LRRC4C: variants seen among roughly 807,000 people sequenced by gnomAD.
The protein encoded by LRRC4C is leucine-rich repeat-containing protein 4C.
LRRC4C carries 5 observed loss-of-function variants against 33.6 expected under a neutral mutation model. The observed-to-expected ratio is 0.15, with a 90% CI of 0.08 to 0.31. The LOEUF (loss-of-function observed/expected upper bound fraction) is 0.31. LRRC4C is among the 10% of genes least tolerant of loss of function. The pLI, the probability that LRRC4C is intolerant of heterozygous loss-of-function variation, is 1.00. For missense variants in LRRC4C, 560 were observed against 796.7 expected (o/e 0.70, Z 3.58); for synonymous variants, 329 against 302.0 (o/e 1.09, Z -0.93).
At chr11:41,367,173 T>C (rs1465093837) in intron 1 of LRRC4C, among the ~76,000 whole-genome samples, 2 of 152,206 alleles carry the variant, frequency 1.3e-5, no homozygotes, top group Non-Finnish European at 2.9e-5. Context: ...CATCTCTATA[T>C]AGCTCAGTAC....
intron 1 of LRRC4C, among the ~76,000 whole-genome samples, chr11:41,285,474 C>T (rs1485464877): frequency 6.6e-6 from 1 of 152,150 alleles, no homozygotes; most frequent in Non-Finnish European, 1.5e-5. Context: ...ACATTACATC[C>T]TTGCCTTTGA....
At chr11:40,533,625 T>A (rs1317650046) in intron 3 of LRRC4C, among the ~76,000 whole-genome samples, 1 of 152,184 alleles carries the variant, frequency 6.6e-6, no homozygotes, top group Non-Finnish European at 1.5e-5. Flanking sequence ...GTTGCTTTTT[T>A]TCTCCACACA....
At chr11:40,287,269 T>C (rs1943908963) in intron 4 of LRRC4C, among the ~76,000 whole-genome samples, 1 of 151,446 alleles carries the variant, frequency 6.6e-6, no homozygotes, top group African/African-American at 2.4e-5. Flanking sequence ...TGTGTGTGTG[T>C]GTGTGTGTGT....
chr11:40,988,708 C>CTTTTTTTTTTTTT (rs1311047942), intron 1 of LRRC4C, among the ~76,000 whole-genome samples: 1 of 107,062 alleles, frequency 9.3e-6, no homozygotes. Flanking sequence ...CCTTTCTTTT[C>CTTTTTTTTTTTTT]TTTTCTTTTT....
intron 3 of LRRC4C, among the ~76,000 whole-genome samples, chr11:40,454,083 C>A (rs1469274807): frequency 6.6e-6 from 1 of 151,908 alleles, no homozygotes; most frequent in East Asian, 1.9e-4. Flanking sequence ...ATCTTTAACA[C>A]TTTATTCTTT....
intron 3 of LRRC4C, among the ~76,000 whole-genome samples, chr11:40,475,991 A>G (rs1953198945): frequency 6.6e-6 from 1 of 152,104 alleles, no homozygotes; most frequent in South Asian, 2.1e-4. Context: ...GCATTTTAGG[A>G]TATTTAGCAG....
At chr11:40,460,636 T>C (rs1380313945) in intron 3 of LRRC4C, among the ~76,000 whole-genome samples, 1 of 152,198 alleles carries the variant, frequency 6.6e-6, no homozygotes, top group Non-Finnish European at 1.5e-5. Flanking sequence ...GGAAATGACA[T>C]TTAGTTCACC....
At chr11:40,965,810 C>T (rs934491750) in intron 1 of LRRC4C, among the ~76,000 whole-genome samples, 2 of 152,020 alleles carry the variant, frequency 1.3e-5, no homozygotes, top group Non-Finnish European at 2.9e-5. Flanking sequence ...CGTGATGCCT[C>T]CAACTTTGTT....
intron 2 of LRRC4C, among the ~76,000 whole-genome samples, chr11:40,676,825 T>C (rs541937410): frequency 6.6e-6 from 1 of 152,252 alleles, no homozygotes; most frequent in East Asian, 1.9e-4. Context: ...ACCAAAATAA[T>C]ACCAATCCTG....
intron 3 of LRRC4C, among the ~76,000 whole-genome samples, chr11:40,335,817 G>A (rs1259883430): frequency 6.6e-6 from 1 of 152,194 alleles, no homozygotes. Context: ...AGGTAAGTAA[G>A]TAACGCAGCC....
intron 1 of LRRC4C, among the ~76,000 whole-genome samples, chr11:41,250,203 G>C (rs1296885008): frequency 6.6e-6 from 1 of 151,998 alleles, no homozygotes; most frequent in Non-Finnish European, 1.5e-5. Flanking sequence ...AAAAAATAGT[G>C]CCTGGCACCC....
intron 1 of LRRC4C, among the ~76,000 whole-genome samples, chr11:41,310,604 C>T (rs901025437): frequency 4.6e-5 from 7 of 152,178 alleles, no homozygotes; most frequent in Non-Finnish European, 1.0e-4. Flanking sequence ...TAGGAGAACA[C>T]TTGGCTCTTA....
intron 2 of LRRC4C, among the ~76,000 whole-genome samples, chr11:40,808,388 A>C (rs1274539515): frequency 6.6e-6 from 1 of 152,014 alleles, no homozygotes; most frequent in East Asian, 1.9e-4. Flanking sequence ...TCTGTGTCTA[A>C]CCTTCCTATA....
intron 1 of LRRC4C, among the ~76,000 whole-genome samples, chr11:41,063,098 T>G (rs1191272956): frequency 6.6e-6 from 1 of 152,200 alleles, no homozygotes; most frequent in Admixed American, 6.5e-5. Context: ...AGAGAACACA[T>G]TTCTAGACAT....
chr11:40,385,106 A>T (rs1204174663), intron 3 of LRRC4C, among the ~76,000 whole-genome samples: 1 of 152,178 alleles, frequency 6.6e-6, no homozygotes, highest in Non-Finnish European at 1.5e-5. Context: ...ACTCAAAGTT[A>T]TCTTCAGAGG....
intron 4 of LRRC4C, among the ~76,000 whole-genome samples, chr11:40,316,266 C>A (rs1945568698): frequency 6.6e-6 from 1 of 151,954 alleles, no homozygotes; most frequent in South Asian, 2.1e-4. Context: ...ATAAGTAGAA[C>A]TCTATTTGTT....
intron 5 of LRRC4C, among the ~76,000 whole-genome samples, chr11:40,208,338 C>T (rs1466106166): frequency 6.6e-6 from 1 of 152,118 alleles, no homozygotes; most frequent in East Asian, 1.9e-4. Flanking sequence ...TGAAATTCTA[C>T]TGGAAAAGAC....
chr11:41,339,064 T>C (rs1951548768), intron 1 of LRRC4C, among the ~76,000 whole-genome samples: 1 of 152,222 alleles, frequency 6.6e-6, no homozygotes, highest in Non-Finnish European at 1.5e-5. Context: ...AGATGCATCA[T>C]GGTTCTAAAT....
At chr11:40,632,681 C>T (rs1963571396) in intron 3 of LRRC4C, among the ~76,000 whole-genome samples, 2 of 152,174 alleles carry the variant, frequency 1.3e-5, no homozygotes, top group Admixed American at 1.3e-4. Context: ...GCATGGAGGG[C>T]TTCCCATTAC....
Sources: allele counts gnomAD v4.1 joint callset (sites outside exome capture counted in the v4.1 genomes callset), GRCh38; gene constraint gnomAD v4.1.1; transcripts MANE v1.5; gene names NCBI Gene and HGNC (gene_info 2026-07-23, HGNC 2026-07-21).